The following CPS1 variants were observed in gnomAD, a reference collection of about 807,000 sequenced individuals.
The protein encoded by CPS1 is carbamoyl-phosphate synthase 1.
In CPS1, 109 loss-of-function variants were observed where a neutral mutation model predicts 174.6. That is an observed-to-expected ratio of 0.62 (90% CI 0.53 to 0.73). The LOEUF (loss-of-function observed/expected upper bound fraction) is 0.73. Among genes scored for constraint, CPS1 ranks in the 30% least tolerant of loss-of-function variants. The pLI is 0.00. For synonymous variants in CPS1, 637 were observed against 632.0 expected (o/e 1.01, Z -0.12); for missense variants, 1,689 against 1,821.9 (o/e 0.93, Z 1.33).
chr2:210,662,757 G>GA (rs768929960), intron 32 of CPS1, among the ~76,000 whole-genome samples: 7 of 152,106 alleles, frequency 4.6e-5, no homozygotes, highest in Non-Finnish European at 1.0e-4. Flanking sequence ...CTATCAAAGA[G>GA]AAAAAAATGT....
rs1698989869 is a variant in CPS1, at chr2:210,608,257, G to T, written c.2193-104G>T. The T allele has an allele frequency of 5.8e-6, 6 of 1,040,710 alleles. No individual in the cohort carries two copies. In the Admixed American group the frequency reaches 1.1e-4, roughly 19 times the overall value. 64.5% of individuals were successfully genotyped at this position (1,040,710 alleles called of 1,614,324 possible). On this transcript the variant is annotated intron_variant, in intron 18 of 37. Coordinates refer to ENST00000233072, the MANE Select transcript of CPS1 (RefSeq NM_001875.5). ...CAGAGAATCAAGTGTCTTATACCCTGAAGTAGAATAATACCAGAAATTTTA... is the reference window on the plus strand; with the variant it reads ...CAGAGAATCAAGTGTCTTATACCCTTAAGTAGAATAATACCAGAAATTTTA...
chr2:210,554,181 A>ATG (rs1696820733), upstream of CPS1, among the ~76,000 whole-genome samples: 12 of 122,320 alleles, frequency 9.8e-5, no homozygotes, highest in African/African-American at 3.9e-4. Flanking sequence ...GTATGTATAT[A>ATG]TACACACACA....
At chr2:210,486,411 G>C (rs6713472) in intron 1 of CPS1, among the ~76,000 whole-genome samples, 26,039 of 151,930 alleles carry the variant, frequency 0.17, 2,462 homozygotes, top group Admixed American at 0.26. Flanking sequence ...AGAAGTACAC[G>C]TGCCCAACAC....
intron 1 of CPS1, among the ~76,000 whole-genome samples, chr2:210,515,734 T>C (rs1004679188): frequency 6.6e-6 from 1 of 151,946 alleles, no homozygotes; most frequent in African/African-American, 2.4e-5. Context: ...TCTTTCCTTT[T>C]GCTAGCTGCG....
chr2:210,562,058 A>G (rs1697118996), intron 1 of CPS1, among the ~76,000 whole-genome samples: 1 of 152,208 alleles, frequency 6.6e-6, no homozygotes, highest in Non-Finnish European at 1.5e-5. Context: ...AGGATTCTGA[A>G]CAACTTGCCA....
intron 21 of CPS1, among the ~76,000 whole-genome samples, chr2:210,631,458 G>A (rs1367465590): frequency 2.6e-5 from 4 of 152,188 alleles, no homozygotes; most frequent in Non-Finnish European, 2.9e-5. Context: ...TGTATTGTTT[G>A]TAAACCAGAG....
chr2:210,648,150 C>G (rs948622665), intron 26 of CPS1, 93 bp downstream of exon 26: 32 of 1,282,798 alleles, frequency 2.5e-5, no homozygotes, highest in Non-Finnish European at 1.9e-5. Flanking sequence ...GATATGTTAA[C>G]TACAGGGCAG....
intron 19 of CPS1, among the ~76,000 whole-genome samples, chr2:210,609,441 G>A (rs765382757): frequency 5.9e-5 from 9 of 151,874 alleles, no homozygotes; most frequent in Non-Finnish European, 8.8e-5. Flanking sequence ...TGAGTTTCAG[G>A]ATCCACACCT....
chr2:210,599,732 A>G (rs1698642978), intron 14 of CPS1, among the ~76,000 whole-genome samples, 171 bp downstream of exon 14: 1 of 151,972 alleles, frequency 6.6e-6, no homozygotes, highest in Non-Finnish European at 1.5e-5. Context: ...GATGAATACT[A>G]CTAGTTAATT....
chr2:210,503,574 G>A (rs1438569817), intron 1 of CPS1, among the ~76,000 whole-genome samples: 1 of 151,872 alleles, frequency 6.6e-6, no homozygotes, highest in Non-Finnish European at 1.5e-5. Context: ...TGTAACCACT[G>A]TTTGTAAACT....
At chr2:210,553,207 C>G (rs1696775184), upstream of CPS1, among the ~76,000 whole-genome samples, 1 of 151,552 alleles carries the variant, frequency 6.6e-6, no homozygotes, top group Non-Finnish European at 1.5e-5. Context: ...TGGCAATTTT[C>G]AAAACTATGT....
At chr2:210,572,899 CA>C (rs1292597681) in intron 1 of CPS1, among the ~76,000 whole-genome samples, 2 of 151,958 alleles carry the variant, frequency 1.3e-5, no homozygotes. Flanking sequence ...CTGTATGGTA[CA>C]ATTCACAATG....
chr2:210,674,825 G>A (rs1368984594), intron 34 of CPS1, 77 bp from the exon 35 acceptor site: 3 of 1,145,800 alleles, frequency 2.6e-6, no homozygotes, highest in Non-Finnish European at 2.7e-6. Context: ...CTTTTAAGAT[G>A]TTGTAAGGAA....
chr2:210,549,849 C>T (rs1290845666), intron 1 of CPS1, among the ~76,000 whole-genome samples: 1 of 151,964 alleles, frequency 6.6e-6, no homozygotes, highest in East Asian at 1.9e-4. Flanking sequence ...ATAGAAACTA[C>T]TCAGTACATA....
intron 1 of CPS1, among the ~76,000 whole-genome samples, chr2:210,515,037 G>A (rs1178430875): frequency 6.6e-6 from 1 of 151,726 alleles, no homozygotes; most frequent in East Asian, 1.9e-4. Context: ...TACACCCTAG[G>A]AATGAAGGCT....
intron 16 of CPS1, among the ~76,000 whole-genome samples, chr2:210,604,675 G>T (rs1319116194): frequency 2.6e-5 from 4 of 151,808 alleles, no homozygotes; most frequent in Non-Finnish European, 4.4e-5. Context: ...TATTGTGTGT[G>T]TCACTGTACA....
chr2:210,576,532 G>A (rs377740268), intron 3 of CPS1, 42 bp downstream of exon 3: 40 of 1,609,838 alleles, frequency 2.5e-5, no homozygotes, highest in Non-Finnish European at 2.5e-5. Context: ...CAATTTGAGG[G>A]AGTATAGTTG....
chr2:210,599,465 C>G lies in CPS1; in HGVS notation c.1453C>G (p.Leu485Val). 2 of 1,612,602 alleles carry G rather than the reference C, an allele frequency of 1.2e-6. No homozygotes were observed. The highest frequency in any genetic ancestry group is 1.7e-6 in the Non-Finnish European group (2 of 1,179,072). ...GLKQADTVYF[L>V]PITPQFVTEV... ...AAAGCAAGCGGATACTGTCTACTTT[C>G]TTCCCATCACCCCTCAGTTTGTCAC... Residue 485 changes from leucine to valine, a missense_variant, in exon 14 of 38, where the codon CTT (leucine) becomes GTT (valine). Physicochemically the swap from Leu to Val is conservative, Grantham distance 32. Transcript: ENST00000233072.
At chr2:210,656,484 G>A in intron 29 of CPS1, 41 bp from the exon 30 acceptor site, 3 of 1,496,504 alleles carry the variant, frequency 2.0e-6, no homozygotes, top group South Asian at 2.3e-5. Context: ...GGAAGTACCT[G>A]AAAACTTTTT....
Sources: allele counts gnomAD v4.1 joint callset (sites outside exome capture counted in the v4.1 genomes callset), GRCh38; gene constraint gnomAD v4.1.1; transcripts MANE v1.5; gene names NCBI Gene and HGNC (gene_info 2026-07-23, HGNC 2026-07-21).